Variants in SLC1A2 observed in about 807,000 individuals in gnomAD.
SLC1A2 encodes the protein solute carrier family 1 member 2, also known as excitatory amino acid transporter 2.
A neutral mutation model predicts 48.8 loss-of-function variants in SLC1A2; 15 were observed. That is an observed-to-expected ratio of 0.31 (90% CI 0.21 to 0.47). The LOEUF (loss-of-function observed/expected upper bound fraction) is 0.47. Ranked by LOEUF, SLC1A2 falls within the 20% of genes least tolerant of loss-of-function variation. The pLI, the probability that SLC1A2 is intolerant of heterozygous loss-of-function variation, is 0.99. For synonymous variants in SLC1A2, 279 were observed against 272.6 expected (o/e 1.02, Z -0.23); for missense variants, 502 against 730.5 (o/e 0.69, Z 3.61).
intron 1 of SLC1A2, among the ~76,000 whole-genome samples, chr11:35,394,452 G>A (rs1255658981): frequency 6.6e-6 from 1 of 152,050 alleles, no homozygotes; most frequent in Non-Finnish European, 1.5e-5. Flanking sequence ...AGTGCAAATA[G>A]CTCATTTAAC....
intron 7 of SLC1A2, among the ~76,000 whole-genome samples, chr11:35,291,182 G>T (rs1429420402): frequency 6.6e-6 from 1 of 152,150 alleles, no homozygotes; most frequent in African/African-American, 2.4e-5. Context: ...AAGGACATAT[G>T]TGCAGAAATA....
At position 35,419,112 on chromosome 11, in the gene SLC1A2, G is replaced by T; in HGVS notation, c.-146C>A. The T allele has an allele frequency of 1.7e-6, 1 of 584,112 alleles. No homozygotes were observed. The highest frequency in any genetic ancestry group is 2.9e-6 in the Non-Finnish European group (1 of 347,976). 36.2% of individuals were successfully genotyped at this position (584,112 alleles called of 1,614,324 possible). ...GCCCTTCCACCCGCCTCCGGGGTAA[G>T]CCCTTTAGCGCCTCAACGGGCGCAG... On this transcript the variant is annotated 5_prime_UTR_variant, in exon 1 of 11. Coordinates refer to ENST00000278379, the MANE Select transcript of SLC1A2 (RefSeq NM_004171.4). This position sits in a 1 kb window ranked among gnomAD's most constrained non-coding sequence, Gnocchi z 5.4.
chr11:35,340,168 C>A (rs934659339), intron 1 of SLC1A2, among the ~76,000 whole-genome samples: 2 of 152,148 alleles, frequency 1.3e-5, no homozygotes, highest in Non-Finnish European at 2.9e-5. Flanking sequence ...CAGCTCATGT[C>A]AGGAAAAGAT....
chr11:35,419,245 G>A lies in SLC1A2; in HGVS notation c.-279C>T, dbSNP rs1855707782. 1 of 403,972 alleles carries A rather than the reference G, an allele frequency of 2.5e-6. No individual in the cohort carries two copies. The highest frequency in any genetic ancestry group is 4.5e-5 in the Admixed American group (1 of 22,040). The allele number at this position is 403,972 out of a possible 1,614,324, so 25.0% of individuals were successfully genotyped here. ...TGGCGGGGAGCTCCGGGGGCTCCGA[G>A]GGTGGCTTCCCCGAGAGAGCGATGC... On this transcript the variant is annotated 5_prime_UTR_variant, in exon 1 of 11. Coordinates refer to ENST00000278379, the MANE Select transcript of SLC1A2 (RefSeq NM_004171.4). This position sits in a 1 kb window ranked among gnomAD's most constrained non-coding sequence, Gnocchi z 5.4.
chr11:35,325,922 C>T (rs1444144225), intron 1 of SLC1A2, among the ~76,000 whole-genome samples: 2 of 148,880 alleles, frequency 1.3e-5, no homozygotes, highest in African/African-American at 2.5e-5. Flanking sequence ...CGGGATCACA[C>T]CATTGCACTC....
rs945320342 is a variant in SLC1A2 at position 35,327,028 on chromosome 11, C to A, written c.18-9512G>T. 4.6e-5 allele frequency among the ~76,000 whole-genome samples: 7 copies of A among 152,206 alleles called. No individual in the cohort carries two copies. In the South Asian group the frequency reaches 1.4e-3, roughly 31 times the overall value. ...AAAGGAGATGTCAAAACATAAATGA[C>A]GTAAACTTTGCTAACTGCATACCAT... On this transcript the variant is annotated intron_variant, in intron 1 of 10. Coordinates refer to ENST00000278379, the MANE Select transcript of SLC1A2 (RefSeq NM_004171.4).
intron 10 of SLC1A2, chr11:35,261,819 C>T (rs551444752): frequency 2.5e-6 from 1 of 397,926 alleles, no homozygotes; most frequent in Non-Finnish European, 4.4e-6. Context: ...TTCTTCTTAC[C>T]CAAGTGGAAG....
intron 6 of SLC1A2, among the ~76,000 whole-genome samples, chr11:35,300,538 C>G (rs143981020): frequency 1.3e-5 from 2 of 152,210 alleles, no homozygotes; most frequent in Non-Finnish European, 2.9e-5. Flanking sequence ...CACAAAGGTG[C>G]CAACTACGAG....
At position 35,370,782 on chromosome 11, in the gene SLC1A2, C is replaced by T. The variant is rs532557489; in HGVS notation, c.17+48168G>A. Among the ~76,000 whole-genome samples, 7 of 152,240 alleles carry T rather than the reference C, an allele frequency of 4.6e-5. No homozygotes were observed. In the East Asian group the frequency reaches 1.4e-3, roughly 29 times the overall value. Reference sequence around the variant, plus strand: ...GAACTGGATGGCAGAAAGTGAAATCCCCATTGCTGAGTATCCCTCCCCAGC... The same window carrying T: ...GAACTGGATGGCAGAAAGTGAAATCTCCATTGCTGAGTATCCCTCCCCAGC... On this transcript the variant is annotated intron_variant, in intron 1 of 10. Coordinates refer to ENST00000278379, the MANE Select transcript of SLC1A2 (RefSeq NM_004171.4).
rs1565195345 is a variant in SLC1A2 at position 35,259,393 on chromosome 11, G to A, written c.*1501C>T. The A allele has an allele frequency of 6.6e-6, 1 of 152,532 alleles. No homozygotes were observed. Among genetic ancestry groups the A allele is most frequent in the African/African-American group, 2.4e-5 (1 of 41,410 alleles). 9.4% of individuals were successfully genotyped at this position (152,532 alleles called of 1,614,324 possible). On this transcript the variant is annotated 3_prime_UTR_variant, in exon 11 of 11. Transcript: ENST00000278379. ...TATTTCTCAATGATTCAAGTCCCAA[G>A]CTTACTCCCAAACCCAGCAACCTTA... is the stretch of plus-strand genomic sequence containing the variant.
chr11:35,417,561 T>C (rs547314438), intron 1 of SLC1A2, among the ~76,000 whole-genome samples: 1 of 152,368 alleles, frequency 6.6e-6, no homozygotes, highest in South Asian at 2.1e-4. Context: ...TCCTAGTATC[T>C]ATTTCTAGAG....
intron 9 of SLC1A2, among the ~76,000 whole-genome samples, chr11:35,269,298 C>G (rs1850204823): frequency 6.6e-6 from 1 of 152,202 alleles, no homozygotes; most frequent in Non-Finnish European, 1.5e-5. Flanking sequence ...CGCCACCTAC[C>G]TGGTCTATAG....
chr11:35,353,208 G>A (rs1853330361), intron 1 of SLC1A2, among the ~76,000 whole-genome samples: 1 of 152,142 alleles, frequency 6.6e-6, no homozygotes. Flanking sequence ...TGGCTGTTTA[G>A]AAACCTTCTG....
chr11:35,327,872 C>G (rs1315900370), intron 1 of SLC1A2, among the ~76,000 whole-genome samples: 1 of 152,154 alleles, frequency 6.6e-6, no homozygotes, highest in Non-Finnish European at 1.5e-5. Context: ...AAAGTTAAAC[C>G]TGTGCTGTCC....
intron 1 of SLC1A2, among the ~76,000 whole-genome samples, chr11:35,348,752 C>T (rs566417543): frequency 1.1e-4 from 16 of 151,790 alleles, no homozygotes; most frequent in African/African-American, 3.4e-4. Flanking sequence ...ACTAGCCAGG[C>T]GTGGTGGCTC....
At chr11:35,371,607 G>A (rs1299617943) in intron 1 of SLC1A2, among the ~76,000 whole-genome samples, 1 of 152,184 alleles carries the variant, frequency 6.6e-6, no homozygotes, top group Non-Finnish European at 1.5e-5. Context: ...GTTTTTAGGA[G>A]TAGGCAACAT....
chr11:35,282,061 C>T (rs1850652877), intron 8 of SLC1A2: 2 of 147,336 alleles, frequency 1.4e-5, no homozygotes, highest in African/African-American at 5.0e-5. Context: ...TATACCTAAT[C>T]TTACGTTTGG....
intron 6 of SLC1A2, among the ~76,000 whole-genome samples, chr11:35,296,859 TTAATAA>T (rs1851191025): frequency 6.6e-6 from 1 of 152,078 alleles, no homozygotes; most frequent in African/African-American, 2.4e-5. Flanking sequence ...ACTATTCGAA[TTAATAA>T]TAAGTGCTAC....
chr11:35,295,256 G>T (rs1251693310), intron 6 of SLC1A2, among the ~76,000 whole-genome samples: 1 of 151,792 alleles, frequency 6.6e-6, no homozygotes, highest in Non-Finnish European at 1.5e-5. Context: ...TCACTATTTT[G>T]CTCAGCTGGT....
Sources: allele counts gnomAD v4.1 joint callset (sites outside exome capture counted in the v4.1 genomes callset), GRCh38; gene constraint gnomAD v4.1.1; non-coding constraint Gnocchi (gnomAD v3.1); transcripts MANE v1.5; gene names NCBI Gene and HGNC (gene_info 2026-07-23, HGNC 2026-07-21).